WDPCP: variants seen among roughly 807,000 people sequenced by gnomAD.
WDPCP encodes the protein WD repeat-containing and planar cell polarity effector protein fritz homolog.
A neutral mutation model predicts 93.1 loss-of-function variants in WDPCP; 71 were observed. That is an observed-to-expected ratio of 0.76 (90% CI 0.63 to 0.93). WDPCP has a LOEUF of 0.93. Ranked by LOEUF, WDPCP falls within the 40% of genes least tolerant of loss-of-function variation. The pLI is 0.00. For synonymous variants in WDPCP, 315 were observed against 315.0 expected (o/e 1.00, Z 0.00); for missense variants, 844 against 887.4 (o/e 0.95, Z 0.62).
At chr2:63,639,375 G>A (rs1293751679) in intron 3 of WDPCP, among the ~76,000 whole-genome samples, 1 of 152,092 alleles carries the variant, frequency 6.6e-6, no homozygotes, top group Non-Finnish European at 1.5e-5. Context: ...CAAACTCCTG[G>A]CCTCAAGCAA....
At chr2:63,479,455 G>A (rs1700145029) in intron 6 of WDPCP, among the ~76,000 whole-genome samples, 1 of 152,054 alleles carries the variant, frequency 6.6e-6, no homozygotes, top group Non-Finnish European at 1.5e-5. Context: ...CTAGCTAACT[G>A]AATTCAACAA....
chr2:63,296,930 GA>G (rs1450032151), intron 13 of WDPCP, among the ~76,000 whole-genome samples: 2 of 152,070 alleles, frequency 1.3e-5, no homozygotes, highest in Non-Finnish European at 2.9e-5. Flanking sequence ...CACAAAATTA[GA>G]AAAAACAATC....
chr2:63,525,705 G>C (rs929421440), intron 1 of WDPCP, among the ~76,000 whole-genome samples: 1 of 152,126 alleles, frequency 6.6e-6, no homozygotes, highest in East Asian at 1.9e-4. Flanking sequence ...CTCTTTCCTA[G>C]AGAGAAGGGC....
intron 1 of WDPCP, among the ~76,000 whole-genome samples, chr2:63,585,206 ATAAC>A (rs1708760321): frequency 6.6e-6 from 1 of 152,216 alleles, no homozygotes. Flanking sequence ...TATTTTTGCC[ATAAC>A]TAAATTTGGA....
intron 17 of WDPCP, among the ~76,000 whole-genome samples, chr2:63,140,971 C>T (rs1671016673): frequency 6.6e-6 from 1 of 152,124 alleles, no homozygotes; most frequent in Non-Finnish European, 1.5e-5. Flanking sequence ...GAGTTTATTA[C>T]ATTAAGGTAT....
chr2:63,403,051 G>A (rs1694271170), intron 10 of WDPCP, among the ~76,000 whole-genome samples: 1 of 152,070 alleles, frequency 6.6e-6, no homozygotes. Context: ...ATCACAGACT[G>A]GATAAAGAAA....
intron 6 of WDPCP, among the ~76,000 whole-genome samples, chr2:63,481,140 G>A (rs1326270220): frequency 6.6e-6 from 1 of 151,980 alleles, no homozygotes; most frequent in African/African-American, 2.4e-5. Context: ...ATGGAAAAAC[G>A]CTCAATATCA....
At chr2:63,499,978 CTCT>C (rs1481720654) in intron 1 of WDPCP, among the ~76,000 whole-genome samples, 1 of 152,196 alleles carries the variant, frequency 6.6e-6, no homozygotes, top group Non-Finnish European at 1.5e-5. Flanking sequence ...GTAACTCTGG[CTCT>C]TCTTCTTAAA....
At position 63,122,220 on chromosome 2, in the gene WDPCP, T is replaced by A. The variant is rs373534307; in HGVS notation, c.2191-164A>T. On this transcript the variant is annotated intron_variant, in intron 17 of 17. Transcript: ENST00000272321. ...TAAGATAACTGTATACTTACCTGAC[T>A]TGGTCATCAAAATTTTGATACGATA... Among the ~76,000 whole-genome samples, 3 of 152,272 alleles carry A rather than the reference T, an allele frequency of 2.0e-5. No individual in the cohort carries two copies. The South Asian group carries it at 6.2e-4, about 32-fold the overall frequency.
At chr2:63,635,931 T>C (rs1464321695) in intron 3 of WDPCP, among the ~76,000 whole-genome samples, 1 of 152,198 alleles carries the variant, frequency 6.6e-6, no homozygotes, top group Non-Finnish European at 1.5e-5. Flanking sequence ...TGTTTGCAGA[T>C]GATATGGTCT....
intron 9 of WDPCP, among the ~76,000 whole-genome samples, chr2:63,429,703 G>A (rs570984596): frequency 6.6e-6 from 1 of 152,032 alleles, no homozygotes; most frequent in East Asian, 1.9e-4. Context: ...TGGTGACGCT[G>A]CAGAAAAAAA....
At chr2:63,725,099 G>C (rs1406616825) in intron 2 of WDPCP, among the ~76,000 whole-genome samples, 1 of 151,968 alleles carries the variant, frequency 6.6e-6, no homozygotes, top group African/African-American at 2.4e-5. Flanking sequence ...TTGTTACCTG[G>C]GGAAATTGTT....
intron 12 of WDPCP, among the ~76,000 whole-genome samples, chr2:63,339,624 G>A (rs1168902676): frequency 6.6e-6 from 1 of 152,160 alleles, no homozygotes; most frequent in Non-Finnish European, 1.5e-5. Flanking sequence ...ATAGGATCAT[G>A]TCATCTGCAA....
intron 13 of WDPCP, among the ~76,000 whole-genome samples, chr2:63,306,172 C>G (rs1192538307): frequency 1.3e-5 from 2 of 152,190 alleles, no homozygotes; most frequent in African/African-American, 4.8e-5. Flanking sequence ...CACGTACACC[C>G]TCCCAAGACT....
intron 2 of WDPCP, among the ~76,000 whole-genome samples, chr2:63,804,942 C>T (rs908546463): frequency 1.3e-5 from 2 of 151,802 alleles, no homozygotes; most frequent in Non-Finnish European, 2.9e-5. Flanking sequence ...GCAGGATAAT[C>T]GCTTGAAACT....
intron 2 of WDPCP, among the ~76,000 whole-genome samples, chr2:63,716,463 G>A (rs540497947): frequency 1.3e-4 from 20 of 152,204 alleles, no homozygotes; most frequent in African/African-American, 4.6e-4. Flanking sequence ...TATTTTAAAC[G>A]TCTTTATTGT....
intron 13 of WDPCP, among the ~76,000 whole-genome samples, chr2:63,275,781 T>C (rs192266567): frequency 1.3e-5 from 2 of 152,188 alleles, no homozygotes; most frequent in East Asian, 3.9e-4. Context: ...GATCAGAAGA[T>C]TTAATCTCAT....
At chr2:63,694,103 A>T (rs1217110608) in intron 2 of WDPCP, among the ~76,000 whole-genome samples, 2 of 152,154 alleles carry the variant, frequency 1.3e-5, no homozygotes, top group East Asian at 3.8e-4. Flanking sequence ...TTCACAGCAA[A>T]ACTTATGAAC....
chr2:63,507,871 G>A (rs1701981558), intron 1 of WDPCP, among the ~76,000 whole-genome samples: 1 of 152,078 alleles, frequency 6.6e-6, no homozygotes, highest in African/African-American at 2.4e-5. Context: ...AAAGTGTGAA[G>A]ACAAGATTAG....
Sources: gnomAD v4.1 joint callset for allele counts (sites outside exome capture counted in the v4.1 genomes callset) on GRCh38, gnomAD v4.1.1 for gene constraint, MANE v1.5 for transcripts, NCBI Gene and HGNC (gene_info 2026-07-23, HGNC 2026-07-21) for gene names.